The following RUSF1 variants were observed in gnomAD, a reference collection of about 807,000 sequenced individuals.
The protein encoded by RUSF1 is RUS family member 1.
A neutral mutation model predicts 63.0 loss-of-function variants in RUSF1; 58 were observed. The ratio of observed to expected loss-of-function variants is 0.92; its 90% CI spans 0.75 to 1.15. The LOEUF (loss-of-function observed/expected upper bound fraction) is 1.15. Among genes scored for constraint, RUSF1 ranks in the 50% most tolerant of loss-of-function variants. The pLI is 0.00. For synonymous variants in RUSF1, 274 were observed against 255.8 expected, an observed-to-expected ratio of 1.07 and a Z score of -0.68; for missense variants, 652 against 611.0, an observed-to-expected ratio of 1.07 and a Z score of -0.71.
chr16:31,498,526 A>C lies in RUSF1; in HGVS notation c.600+776T>G, dbSNP rs142442103. On this transcript the variant is annotated intron_variant, in intron 5 of 12. Transcript: ENST00000327237. The stretch of plus-strand genomic sequence containing the variant: ...TTGGAATGGGTTTTCCATTTTCTTG[A>C]GTTTCTCCTCTGGGCCAGGGACTTA... 6.4e-3 allele frequency among the ~76,000 whole-genome samples: 979 copies of C among 152,230 alleles called. 9 individuals are homozygous for C. Among genetic ancestry groups the C allele is most frequent in the Non-Finnish European group, 8.8e-3 (599 of 68,024 alleles).
Position 31,507,871 on chromosome 16 carries a change from G to A in RUSF1, c.308C>T (p.Ala103Val), listed in dbSNP as rs1215315923. 3 of 1,558,842 alleles carry A rather than the reference G, an allele frequency of 1.9e-6. No homozygotes were observed. The highest frequency in any genetic ancestry group is 1.2e-5 in the South Asian group (1 of 84,526). The change falls in exon 2 of 13, where the codon GCT (alanine) becomes GTT (valine). Residue 103 changes from alanine to valine, a missense_variant. Physicochemically the swap from Ala to Val is moderately conservative, Grantham distance 64. Transcript: ENST00000327237. Reference sequence around the variant, plus strand: ...GGCTAGGGAGCCGGAGAGGCTGGAAGCAAACGCCTGGAGAAGAAAACAAGT... The same window carrying A: ...GGCTAGGGAGCCGGAGAGGCTGGAAACAAACGCCTGGAGAAGAAAACAAGT... The part of the protein sequence containing the change: ...YQLWDSVQAF[A>V]SSLSGSLATQ...
chr16:31,492,159 C>A (rs370712192), intron 11 of RUSF1, 38 bp downstream of exon 11: 1 of 1,611,420 alleles, frequency 6.2e-7, no homozygotes, highest in Non-Finnish European at 8.5e-7. Flanking sequence ...CTCCTCCCCA[C>A]CCTGAGGCAT....
intron 12 of RUSF1, 118 bp from the exon 13 acceptor site, chr16:31,491,050 T>C (rs1449746405): frequency 2.2e-6 from 2 of 899,676 alleles, no homozygotes; most frequent in African/African-American, 1.7e-5. Flanking sequence ...TGGGTGAGTA[T>C]GGCATAAAAT....
intron 2 of RUSF1, 69 bp from the exon 3 acceptor site, chr16:31,500,800 G>A: frequency 6.6e-7 from 1 of 1,519,374 alleles, no homozygotes. Flanking sequence ...GGCAGACCCT[G>A]GCACTGAACT....
chr16:31,495,285 C>T (rs923449233), intron 6 of RUSF1, among the ~76,000 whole-genome samples: 1 of 152,078 alleles, frequency 6.6e-6, no homozygotes, highest in Non-Finnish European at 1.5e-5. Context: ...CTGGAGAGCT[C>T]TTCTCAACCA....
chr16:31,496,890 T>A lies in RUSF1; in HGVS notation c.661A>T (p.Arg221Trp), dbSNP rs2082606259. ...GCTGACACGTCAGCCATGTTGTTCCTCCGAGCCTGGTGCACGGTCAGGGCA... is the reference window on the plus strand; with the variant it reads ...GCTGACACGTCAGCCATGTTGTTCCACCGAGCCTGGTGCACGGTCAGGGCA... ...RAALTVHQARRNNMADVSAKD... is the reference protein window; with the variant it reads ...RAALTVHQARWNNMADVSAKD... Residue 221 changes from arginine (R) to tryptophan (W), a missense_variant, in exon 6 of 13, where the codon AGG becomes TGG. Coordinates refer to ENST00000327237, the MANE Select transcript of RUSF1 (RefSeq NM_022744.4). 6.8e-6 allele frequency: 11 copies of A among 1,609,376 alleles called. No individual in the cohort carries two copies. The highest frequency in any genetic ancestry group is 9.3e-6 in the Non-Finnish European group (11 of 1,178,322).
At chr16:31,494,954 A>G (rs2082594472) in intron 6 of RUSF1, among the ~76,000 whole-genome samples, 2 of 152,222 alleles carry the variant, frequency 1.3e-5, no homozygotes, top group African/African-American at 4.8e-5. Context: ...GATAACAGGC[A>G]TGAGCTGGAA....
At chr16:31,497,442 C>T (rs1409736545) in intron 5 of RUSF1, among the ~76,000 whole-genome samples, 3 of 152,162 alleles carry the variant, frequency 2.0e-5, no homozygotes, top group African/African-American at 7.2e-5. Context: ...AGGAGGGTCA[C>T]TGGTCACTCA....
At chr16:31,496,793 G>A in intron 6 of RUSF1, 56 bp downstream of exon 6, 4 of 1,428,548 alleles carry the variant, frequency 2.8e-6, no homozygotes, top group Non-Finnish European at 3.8e-6. Context: ...CACTCAAGTG[G>A]CTTCTCTCCC....
chr16:31,508,249 C>A lies in RUSF1; in HGVS notation c.125G>T (p.Trp42Leu), dbSNP rs1241167038. Residue 42 changes from tryptophan (W) to leucine (L), a missense_variant, in exon 1 of 13, where the codon TGG becomes TTG. Trp to Leu is a moderately conservative substitution (Grantham distance 61). Transcript: ENST00000327237. ...LQWEVGGWRW[W>L]GLSRAFTVKP... is the part of the protein sequence containing the mutation. Reference sequence around the variant, plus strand: ...GACCGTGAAGGCCCTGGAGAGCCCCCACCAGCGCCAGCCCCCGACCTCCCA... The same window carrying A: ...GACCGTGAAGGCCCTGGAGAGCCCCAACCAGCGCCAGCCCCCGACCTCCCA... 1.5e-5 allele frequency: 24 copies of A among 1,563,948 alleles called. No homozygotes were observed. The highest frequency in any genetic ancestry group is 2.1e-5 in the Non-Finnish European group (24 of 1,154,680).
At chr16:31,501,142 A>G (rs1308108585) in intron 2 of RUSF1, among the ~76,000 whole-genome samples, 3 of 152,240 alleles carry the variant, frequency 2.0e-5, no homozygotes, top group Admixed American at 1.3e-4. Flanking sequence ...ATTAAAACTA[A>G]ACAATATAGC....
chr16:31,493,992 G>A, intron 6 of RUSF1, 56 bp from the exon 7 acceptor site: 2 of 1,556,892 alleles, frequency 1.3e-6, no homozygotes, highest in South Asian at 1.1e-5. Flanking sequence ...GCCAGACTGA[G>A]TGCCCGAGTG....
chr16:31,493,096 G>T, intron 9 of RUSF1, 48 bp from the exon 10 acceptor site: 1 of 1,582,516 alleles, frequency 6.3e-7, no homozygotes. Flanking sequence ...AGCAAAGGCA[G>T]GCATGCCCAA....
intron 6 of RUSF1, among the ~76,000 whole-genome samples, chr16:31,495,108 G>C (rs1011235184): frequency 6.6e-6 from 1 of 152,192 alleles, no homozygotes; most frequent in African/African-American, 2.4e-5. Context: ...CTCTTCCCTT[G>C]TGTATCAATG....
At position 31,490,088 on chromosome 16, in the gene RUSF1, C is replaced by T. The variant is rs1812822790; in HGVS notation, c.*747G>A. Reference sequence around the variant, plus strand: ...GGACAGAACTCCCACCTCGTTCGTGCTCCCACCCTCCCCAGCTCCACCGCC... The same window carrying T: ...GGACAGAACTCCCACCTCGTTCGTGTTCCCACCCTCCCCAGCTCCACCGCC... On this transcript the variant is annotated 3_prime_UTR_variant, in exon 13 of 13. Coordinates refer to ENST00000327237, the MANE Select transcript of RUSF1 (RefSeq NM_022744.4). The T allele has an allele frequency of 1.9e-6, 3 of 1,613,180 alleles. No homozygotes were observed. Among genetic ancestry groups the T allele is most frequent in the East Asian group, 2.2e-5 (1 of 44,860 alleles).
At position 31,499,481 on chromosome 16, in the gene RUSF1, G is replaced by T; in HGVS notation, c.494+12C>A. On this transcript the variant is annotated intron_variant, in intron 4 of 12. Transcript: ENST00000327237. Reference sequence around the variant, plus strand: ...TGGAAGACTCCCCTCCCCCGTCCCCGCCCCTCCTCACCTCCACTGCTTGGC... The same window carrying T: ...TGGAAGACTCCCCTCCCCCGTCCCCTCCCCTCCTCACCTCCACTGCTTGGC... The T allele has an allele frequency of 1.2e-6, 1 of 807,058 alleles. No homozygotes were observed. The highest frequency in any genetic ancestry group is 2.0e-6 in the Non-Finnish European group (1 of 505,574). 50.0% of individuals were successfully genotyped at this position (807,058 alleles called of 1,614,324 possible).
intron 5 of RUSF1, among the ~76,000 whole-genome samples, chr16:31,497,947 C>G (rs190161943): frequency 6.6e-6 from 1 of 152,138 alleles, no homozygotes; most frequent in Admixed American, 6.5e-5. Context: ...GAGAGAGGAG[C>G]GGCACGGAGG....
At position 31,508,236 on chromosome 16, in the gene RUSF1, C is replaced by A. The variant is rs1429157661; in HGVS notation, c.138G>T (p.Arg46Ser). 2.6e-6 allele frequency: 4 copies of A among 1,563,544 alleles called. No homozygotes were observed. In the East Asian group the frequency reaches 7.2e-5, roughly 28 times the overall value. ...VGGWRWWGLS[R>S]AFTVKPEGRD... ...GTCCTTCAGGTTTGACCGTGAAGGC[C>A]CTGGAGAGCCCCCACCAGCGCCAGC... is the stretch of plus-strand genomic sequence containing the variant. Residue 46 changes from arginine (R) to serine (S), a missense_variant, in exon 1 of 13, where the codon AGG (arginine) becomes AGT (serine). Coordinates refer to ENST00000327237, the MANE Select transcript of RUSF1 (RefSeq NM_022744.4).
chr16:31,497,521 C>T (rs1231872276), intron 5 of RUSF1, among the ~76,000 whole-genome samples: 1 of 152,180 alleles, frequency 6.6e-6, no homozygotes, highest in African/African-American at 2.4e-5. Context: ...TTTTTGAATA[C>T]AGACAGAGTC....
Sources: gnomAD v4.1 joint callset for allele counts (sites outside exome capture counted in the v4.1 genomes callset) on GRCh38, gnomAD v4.1.1 for gene constraint, MANE v1.5 for transcripts, NCBI Gene and HGNC (gene_info 2026-07-23, HGNC 2026-07-21) for gene names.